PKNOX1: variants seen among roughly 807,000 people sequenced by gnomAD.
The protein encoded by PKNOX1 is PBX/knotted 1 homeobox 1.
A neutral mutation model predicts 51.9 loss-of-function variants in PKNOX1; 15 were observed. That is an observed-to-expected ratio of 0.29 (90% CI 0.19 to 0.45). The LOEUF is 0.45. PKNOX1 is among the 20% of genes least tolerant of loss of function. The pLI is 1.00. For missense variants in PKNOX1, 462 were observed against 547.5 expected (o/e 0.84, Z 1.56); for synonymous variants, 219 against 211.1 (o/e 1.04, Z -0.32).
intron 1 of PKNOX1, among the ~76,000 whole-genome samples, chr21:42,998,810 G>A (rs234758): frequency 0.9 from 136,827 of 152,262 alleles, 61,607 homozygotes; most frequent in African/African-American, 0.91. Flanking sequence ...GTGGCTTTGC[G>A]GGATACAGCC....
intron 5 of PKNOX1, among the ~76,000 whole-genome samples, chr21:43,013,561 C>A (rs1233775242): frequency 6.6e-6 from 1 of 151,910 alleles, no homozygotes; most frequent in African/African-American, 2.4e-5. Context: ...TAAAATTTAC[C>A]ATCTTAGCTA....
chr21:43,021,583 T>C lies in PKNOX1; in HGVS notation c.849+152T>C. 1 of 932,308 alleles carries C rather than the reference T, an allele frequency of 1.1e-6. No individual in the cohort carries two copies. The highest frequency in any genetic ancestry group is 1.6e-6 in the Non-Finnish European group (1 of 644,096). The allele number at this position is 932,308 out of a possible 1,614,324, so 57.8% of individuals were successfully genotyped here. A position where few individuals can be genotyped will look rare whatever the true frequency, so the allele number is the denominator to read the frequency against. ...TGGCATGTCCATAATGTGGGGAGCG[T>C]GGGGCACTGCTGCAGGGAACTTGAA... On this transcript the variant is annotated intron_variant, in intron 8 of 10. Transcript: ENST00000291547. This position sits in a 1 kb window ranked among gnomAD's most constrained non-coding sequence, Gnocchi z 4.6.
intron 1 of PKNOX1, among the ~76,000 whole-genome samples, chr21:42,985,108 C>T (rs965110910): frequency 6.7e-6 from 1 of 150,002 alleles, no homozygotes; most frequent in African/African-American, 2.4e-5. Flanking sequence ...CTGCCTCAGC[C>T]TCCCGAGTAG....
chr21:43,023,456 C>T (rs1979851112), intron 8 of PKNOX1, among the ~76,000 whole-genome samples: 1 of 152,110 alleles, frequency 6.6e-6, no homozygotes, highest in African/African-American at 2.4e-5. Flanking sequence ...CGTTCATTCT[C>T]TTGGGTCCTT....
intron 1 of PKNOX1, among the ~76,000 whole-genome samples, chr21:42,977,693 A>C (rs926443508): frequency 6.6e-6 from 1 of 151,640 alleles, no homozygotes; most frequent in African/African-American, 2.4e-5. Flanking sequence ...GAGTACAGGC[A>C]GCTGCCACCA....
chr21:42,980,807 T>A (rs1455621529), intron 1 of PKNOX1, among the ~76,000 whole-genome samples: 1 of 152,218 alleles, frequency 6.6e-6, no homozygotes, highest in Non-Finnish European at 1.5e-5. Flanking sequence ...CCTGTTGCTG[T>A]TCCTGCTAAA....
intron 4 of PKNOX1, among the ~76,000 whole-genome samples, chr21:43,011,329 A>C (rs1237898012): frequency 1.3e-5 from 2 of 151,778 alleles, no homozygotes; most frequent in African/African-American, 4.8e-5. Flanking sequence ...TCAGCCTCCC[A>C]AAGTGCAGGG....
rs570505465 is a variant in PKNOX1, at chr21:42,989,577, C to T, written c.-56-14749C>T. ...GGGATTACAGGCGCCTGCTACCACG[C>T]CTGGCTAATTTTTGCATTTTTAGTA... On this transcript the variant is annotated intron_variant, in intron 1 of 10. Transcript: ENST00000291547. Among the ~76,000 whole-genome samples the T allele has an allele frequency of 9.9e-5, 15 of 152,120 alleles. No homozygotes were observed. The East Asian group carries it at 2.3e-3, about 24-fold the overall frequency.
chr21:42,987,857 A>G (rs1380374165), intron 1 of PKNOX1, among the ~76,000 whole-genome samples: 1 of 151,786 alleles, frequency 6.6e-6, no homozygotes, highest in Non-Finnish European at 1.5e-5. Flanking sequence ...TGACCTCGTG[A>G]TCCACCCGTC....
chr21:43,015,484 G>C (rs1435461730), intron 5 of PKNOX1, among the ~76,000 whole-genome samples: 2 of 152,072 alleles, frequency 1.3e-5, no homozygotes, highest in Admixed American at 1.3e-4. Context: ...AATTCTATTG[G>C]CTAATATTTT....
intron 1 of PKNOX1, among the ~76,000 whole-genome samples, chr21:42,991,596 C>T (rs1042952836): frequency 1.3e-5 from 2 of 152,108 alleles, no homozygotes; most frequent in South Asian, 2.1e-4. Flanking sequence ...GGCATGGTGG[C>T]GGGCACCTGT....
At chr21:42,977,247 A>C (rs949246813) in intron 1 of PKNOX1, among the ~76,000 whole-genome samples, 1 of 152,244 alleles carries the variant, frequency 6.6e-6, no homozygotes, top group South Asian at 2.1e-4. Flanking sequence ...GCTTAAAGTC[A>C]CCAGTGACAT....
At chr21:42,999,568 C>T (rs1213912716) in intron 1 of PKNOX1, among the ~76,000 whole-genome samples, 1 of 152,074 alleles carries the variant, frequency 6.6e-6, no homozygotes, top group African/African-American at 2.4e-5. Flanking sequence ...GCAATCTCTG[C>T]CTCCTGGGTT....
intron 4 of PKNOX1, among the ~76,000 whole-genome samples, chr21:43,011,463 T>C (rs1285719690): frequency 6.6e-6 from 1 of 152,138 alleles, no homozygotes; most frequent in African/African-American, 2.4e-5. Context: ...CCAGAGGCAA[T>C]GGAGAACATC....
At chr21:43,005,137 T>G (rs1190030379) in intron 2 of PKNOX1, among the ~76,000 whole-genome samples, 5 of 152,222 alleles carry the variant, frequency 3.3e-5, no homozygotes, top group Non-Finnish European at 7.3e-5. Flanking sequence ...GGCATTTGGC[T>G]CATCATCCCA....
In PKNOX1 at chr21:43,018,181, T is replaced by C; in HGVS notation, c.671T>C (p.Val224Ala). The C allele has an allele frequency of 1.2e-6, 2 of 1,612,918 alleles. No individual in the cohort carries two copies. The highest frequency in any genetic ancestry group is 1.7e-6 in the Non-Finnish European group (2 of 1,179,560). ...PVTVVTPQGQVVTQTLSPGTI... is the reference protein window; with the variant it reads ...PVTVVTPQGQAVTQTLSPGTI... Reference sequence around the variant, plus strand: ...ACGGTCGTCACTCCCCAAGGCCAAGTGGTCACACAGACATTGTCGCCTGGG... The same window carrying C: ...ACGGTCGTCACTCCCCAAGGCCAAGCGGTCACACAGACATTGTCGCCTGGG... The change falls in exon 7 of 11, where the codon GTG (valine) becomes GCG (alanine). Residue 224 changes from valine (V) to alanine (A), a missense_variant. Coordinates refer to ENST00000291547, the MANE Select transcript of PKNOX1 (RefSeq NM_004571.5).
At chr21:43,020,825 C>A (rs1043920201) in intron 7 of PKNOX1, among the ~76,000 whole-genome samples, 5 of 152,216 alleles carry the variant, frequency 3.3e-5, no homozygotes, top group Non-Finnish European at 7.3e-5. Context: ...CCACGGCATT[C>A]CTGCCTGCAG....
intron 8 of PKNOX1, among the ~76,000 whole-genome samples, chr21:43,023,348 C>T (rs1041040738): frequency 6.6e-6 from 1 of 152,056 alleles, no homozygotes; most frequent in Non-Finnish European, 1.5e-5. Context: ...TGAGGCCGCT[C>T]CGTCCCCATG....
intron 10 of PKNOX1, among the ~76,000 whole-genome samples, chr21:43,029,261 C>CT (rs1210842291): frequency 2.0e-5 from 3 of 152,102 alleles, no homozygotes; most frequent in Admixed American, 6.6e-5. Context: ...CCCCCATGCC[C>CT]TTCTCTTGTT....
Sources: gnomAD v4.1 joint callset for allele counts (sites outside exome capture counted in the v4.1 genomes callset) on GRCh38, gnomAD v4.1.1 for gene constraint, Gnocchi (gnomAD v3.1) non-coding constraint, MANE v1.5 for transcripts, NCBI Gene and HGNC (gene_info 2026-07-23, HGNC 2026-07-21) for gene names.